GLI2: variants seen among roughly 807,000 people sequenced by gnomAD.
GLI2 encodes GLI family zinc finger 2.
GLI2 carries 22 observed loss-of-function variants against 78.9 expected under a neutral mutation model. The observed-to-expected ratio is 0.28, with a 90% CI of 0.20 to 0.40. The LOEUF is 0.40. Among genes scored for constraint, GLI2 ranks in the 10% least tolerant of loss-of-function variants. GLI2 has a pLI of 1.00. For missense variants in GLI2, 2,097 were observed against 2,213.2 expected (o/e 0.95, Z 1.05); for synonymous variants, 974 against 963.7 (o/e 1.01, Z -0.20).
At position 120,800,509 on chromosome 2, in the gene GLI2, A is replaced by ATT. The variant is rs1302817172; in HGVS notation, c.148+3043_148+3044dup. On this transcript the variant is annotated intron_variant, in intron 2 of 13. Coordinates refer to ENST00000361492, the MANE Select transcript of GLI2 (RefSeq NM_001374353.1). This position sits in a 1 kb window ranked among gnomAD's most constrained non-coding sequence, Gnocchi z 4.1. ...TATTATTATTTTATTTTTTATTTTTATTTATTTATTTTTTTGAGACAGTCT... is the reference window on the plus strand; with the variant it reads ...TATTATTATTTTATTTTTTATTTTTATTTTTATTTATTTTTTTGAGACAGTCT... Among the ~76,000 whole-genome samples, 3 of 146,560 alleles carry ATT rather than the reference A, an allele frequency of 2.0e-5. No homozygotes were observed. The highest frequency in any genetic ancestry group is 2.2e-4 in the South Asian group (1 of 4,612).
intron 3 of GLI2, among the ~76,000 whole-genome samples, chr2:120,948,850 C>T (rs547835157): frequency 4.5e-4 from 68 of 152,286 alleles, no homozygotes; most frequent in African/African-American, 1.5e-3. Flanking sequence ...AAACCCTGGC[C>T]GGCATCCTGC....
intron 2 of GLI2, among the ~76,000 whole-genome samples, chr2:120,845,355 T>A (rs559013128): frequency 3.9e-5 from 6 of 152,082 alleles, no homozygotes; most frequent in Non-Finnish European, 8.8e-5. Context: ...CGATGACATG[T>A]CTTGTGGTTG....
At chr2:120,981,719 C>T (rs1043802848) in intron 10 of GLI2, among the ~76,000 whole-genome samples, 3 of 152,214 alleles carry the variant, frequency 2.0e-5, no homozygotes, top group African/African-American at 7.2e-5. Flanking sequence ...CCATTCAATG[C>T]AACCACAGTA....
At chr2:120,819,885 G>C (rs562748924) in intron 2 of GLI2, among the ~76,000 whole-genome samples, 2 of 152,304 alleles carry the variant, frequency 1.3e-5, no homozygotes, top group East Asian at 3.9e-4. Context: ...TGGGGGAAGA[G>C]AGGCAGGGAA....
At chr2:120,907,260 G>A (rs1678579095) in intron 2 of GLI2, among the ~76,000 whole-genome samples, 1 of 152,138 alleles carries the variant, frequency 6.6e-6, no homozygotes, top group African/African-American at 2.4e-5. Context: ...TTCACCTGTT[G>A]ACGGGTGCCC....
chr2:120,957,088 C>T (rs1681306855), intron 5 of GLI2, among the ~76,000 whole-genome samples: 1 of 152,236 alleles, frequency 6.6e-6, no homozygotes, highest in Admixed American at 6.5e-5. Context: ...CTATCTTGAA[C>T]ATCTCCTGCT....
Position 120,986,232 on chromosome 2 carries a change from A to G in GLI2, c.1906-46A>G, listed in dbSNP as rs546457162. The stretch of plus-strand genomic sequence containing the variant: ...AGGCCTAGAGGCAGGACCAGGTGGA[A>G]TCTGATACCCTCTGAGTCTGAGCCT... On this transcript the variant is annotated intron_variant, in intron 12 of 13. Transcript: ENST00000361492. The G allele has an allele frequency of 1.9e-6, 3 of 1,561,808 alleles. No individual in the cohort carries two copies. The African/African-American group carries it at 4.0e-5, about 21-fold the overall frequency.
chr2:120,931,731 G>A (rs1271488692), intron 3 of GLI2, among the ~76,000 whole-genome samples: 5 of 152,182 alleles, frequency 3.3e-5, no homozygotes, highest in African/African-American at 1.2e-4. Flanking sequence ...AGACATTGAG[G>A]CTCAGAGAGG....
At chr2:120,861,124 C>A (rs921827369) in intron 2 of GLI2, among the ~76,000 whole-genome samples, 1 of 152,198 alleles carries the variant, frequency 6.6e-6, no homozygotes, top group Non-Finnish European at 1.5e-5. Context: ...TTACCCTCTG[C>A]AAGAGAGTCT....
At chr2:120,895,361 A>C (rs1281249428) in intron 2 of GLI2, among the ~76,000 whole-genome samples, 1 of 152,208 alleles carries the variant, frequency 6.6e-6, no homozygotes, top group Non-Finnish European at 1.5e-5. Context: ...AGGGGAAGTG[A>C]AGTAGTCTCT....
chr2:120,989,819 T>C lies in GLI2; in HGVS notation c.3854T>C (p.Leu1285Pro), dbSNP rs562751864. ...PTTMGNRHRE[L>P]GVPDSALAGV... ...ACGATGGGCAATCGCCACAGGGAAC[T>C]TGGGGTCCCCGATTCAGCCCTGGCT... Residue 1285 changes from leucine to proline, a missense_variant, in exon 14 of 14, where the codon CTT becomes CCT. By Grantham distance (98) the Leu-to-Pro change is moderately conservative. Around this residue, in one of 5 missense-constraint regions of GLI2, gnomAD observed 1,290 missense variants for 1,261.7 expected, o/e 1.02. Transcript: ENST00000361492. The C allele has an allele frequency of 8.1e-6, 13 of 1,611,756 alleles. No homozygotes were observed. The highest frequency in any genetic ancestry group is 1.0e-5 in the Non-Finnish European group (12 of 1,179,082).
chr2:120,741,073 C>T (rs2104620434), intron 1 of GLI2, among the ~76,000 whole-genome samples: 1 of 152,314 alleles, frequency 6.6e-6, no homozygotes, highest in South Asian at 2.1e-4. Context: ...GCTCAGTGGG[C>T]TTGGGGGAGG....
chr2:120,943,880 G>T (rs1323246974), intron 3 of GLI2, among the ~76,000 whole-genome samples: 2 of 152,166 alleles, frequency 1.3e-5, no homozygotes, highest in African/African-American at 2.4e-5. Context: ...GGGTGTGGGG[G>T]CCCCAATCCC....
At chr2:120,921,515 A>G (rs919029972) in intron 2 of GLI2, among the ~76,000 whole-genome samples, 3 of 152,136 alleles carry the variant, frequency 2.0e-5, no homozygotes, top group Non-Finnish European at 4.4e-5. Context: ...GCAACCATTT[A>G]CAGATAGCAG....
chr2:120,981,996 C>T (rs867930686), intron 10 of GLI2, among the ~76,000 whole-genome samples: 6 of 152,114 alleles, frequency 3.9e-5, no homozygotes, highest in Admixed American at 2.6e-4. Context: ...CATTATAAAT[C>T]GAGCCAAGGG....
chr2:120,982,917 G>C lies in GLI2; in HGVS notation c.1632+37G>C, dbSNP rs41279790. The stretch of plus-strand genomic sequence containing the variant: ...GGGCATGCACTGGGCATGCACACTG[G>C]GGCCCCACTGACGCCCCATGGCTTC... On this transcript the variant is annotated intron_variant, in intron 11 of 13. Transcript: ENST00000361492. 541 of 1,602,362 alleles carry C rather than the reference G, an allele frequency of 3.4e-4. 7 individuals carry two copies. In the South Asian group the frequency reaches 5.2e-3, roughly 15 times the overall value.
At chr2:120,833,504 T>A (rs1237769122) in intron 2 of GLI2, among the ~76,000 whole-genome samples, 1 of 152,120 alleles carries the variant, frequency 6.6e-6, no homozygotes, top group African/African-American at 2.4e-5. Flanking sequence ...GAGACCTGTT[T>A]CCCCATCTAG....
At chr2:120,906,097 C>T (rs1678517725) in intron 2 of GLI2, among the ~76,000 whole-genome samples, 1 of 152,246 alleles carries the variant, frequency 6.6e-6, no homozygotes, top group African/African-American at 2.4e-5. Flanking sequence ...GCCACACCTA[C>T]TTGGGGAGCT....
intron 1 of GLI2, among the ~76,000 whole-genome samples, chr2:120,776,789 A>T (rs1683688900): frequency 1.3e-5 from 2 of 152,138 alleles, no homozygotes; most frequent in South Asian, 4.1e-4. Flanking sequence ...TTCTCCCAAG[A>T]GGAGCCAGAG....
Sources: allele counts gnomAD v4.1 joint callset (sites outside exome capture counted in the v4.1 genomes callset), GRCh38; gene constraint gnomAD v4.1.1; regional missense constraint gnomAD v4.1.1; non-coding constraint Gnocchi (gnomAD v3.1); transcripts MANE v1.5; gene names NCBI Gene and HGNC (gene_info 2026-07-23, HGNC 2026-07-21).